NCBP2: variants seen among roughly 807,000 people sequenced by gnomAD.
NCBP2 encodes the protein nuclear cap-binding protein subunit 2.
NCBP2 carries 8 observed loss-of-function variants against 21.5 expected under a neutral mutation model. The ratio of observed to expected loss-of-function variants is 0.37; its 90% CI spans 0.22 to 0.67. NCBP2 has a LOEUF of 0.67. NCBP2 is among the 30% of genes least tolerant of loss of function. NCBP2 has a pLI of 0.56. For missense variants in NCBP2, 127 were observed against 206.9 expected (o/e 0.61, Z 2.37); for synonymous variants, 92 against 75.8 (o/e 1.21, Z -1.11).
At chr3:196,938,386 C>T (rs1716364507) in intron 2 of NCBP2, 1 of 152,046 alleles carries the variant, frequency 6.6e-6, no homozygotes, top group Non-Finnish European at 1.5e-5. Context: ...TCAACCGAAA[C>T]AAACATAATT....
chr3:196,940,063 G>C (rs1716458336), intron 1 of NCBP2: 1 of 152,292 alleles, frequency 6.6e-6, no homozygotes, highest in Non-Finnish European at 1.5e-5. Flanking sequence ...CAAAGCCCTG[G>C]GTCCAAAATG....
rs759405625 is a variant in NCBP2, at chr3:196,942,498, C to T, written c.6G>A (p.Ser2=). The T allele has an allele frequency of 2.5e-6, 4 of 1,613,212 alleles. No individual in the cohort carries two copies. Among genetic ancestry groups the T allele is most frequent in the Admixed American group, 1.7e-5 (1 of 59,970 alleles). M[S]GGLLKALRSD... Reference sequence around the variant, plus strand: ...TGCGCAGCGCCTTCAGGAGGCCACCCGACATAGTGCAGAGAAGCGGACCAC... The same window carrying T: ...TGCGCAGCGCCTTCAGGAGGCCACCTGACATAGTGCAGAGAAGCGGACCAC... The change falls in exon 1 of 4, where the codon TCG becomes TCA. Residue 2 remains serine, a synonymous_variant. Coordinates refer to ENST00000321256, the MANE Select transcript of NCBP2 (RefSeq NM_007362.5).
intron 2 of NCBP2, 179 bp from the exon 3 acceptor site, chr3:196,937,827 A>G (rs1329568386): frequency 1.6e-6 from 1 of 643,510 alleles, no homozygotes; most frequent in Admixed American, 2.7e-5. Flanking sequence ...ATAGAGTCAA[A>G]TATGACACGT....
chr3:196,937,792 C>G (rs1716337819), intron 2 of NCBP2, 144 bp from the exon 3 acceptor site: 2 of 961,124 alleles, frequency 2.1e-6, no homozygotes, highest in Non-Finnish European at 3.1e-6. Flanking sequence ...TTGCCCAGGC[C>G]TGTTTGCGAT....
intron 1 of NCBP2, among the ~76,000 whole-genome samples, chr3:196,940,436 A>AC (rs1402698066): frequency 2.0e-5 from 3 of 151,910 alleles, no homozygotes; most frequent in African/African-American, 7.2e-5. Flanking sequence ...GGAACTTTGG[A>AC]GTGAGACATT....
At chr3:196,937,684 A>G (rs1449764903) in intron 2 of NCBP2, 36 bp from the exon 3 acceptor site, 2 of 1,608,946 alleles carry the variant, frequency 1.2e-6, no homozygotes, top group Non-Finnish European at 1.7e-6. Flanking sequence ...TTTTCCAAAC[A>G]TTTCTGGAAA....
chr3:196,941,637 C>G (rs1716574709), intron 1 of NCBP2: 1 of 513,224 alleles, frequency 1.9e-6, no homozygotes, highest in Admixed American at 3.7e-5. Context: ...CGACAGCACT[C>G]GATAAACGTT....
rs749951417 is a variant in NCBP2, at chr3:196,937,062, C to T, written c.420G>A (p.Gln140=). 3 of 1,614,044 alleles carry T rather than the reference C, an allele frequency of 1.9e-6. No homozygotes were observed. Among genetic ancestry groups the T allele is most frequent in the African/African-American group, 2.7e-5 (2 of 74,906 alleles). The change falls in exon 4 of 4, where the codon CAG becomes CAA. Residue 140 remains glutamine, a synonymous_variant. Coordinates refer to ENST00000321256, the MANE Select transcript of NCBP2 (RefSeq NM_007362.5). ...SGGQVRDEYR[Q]DYDAGRGGYG... is the part of the protein sequence containing the mutation. The stretch of plus-strand genomic sequence containing the variant: ...AGCCTCCTCTCCCAGCATCGTAGTC[C>T]TGCCGATACTCATCCCGAACCTTTA...
intron 1 of NCBP2, chr3:196,941,862 T>G: frequency 6.6e-7 from 1 of 1,512,870 alleles, no homozygotes; most frequent in Non-Finnish European, 8.9e-7. Context: ...GTGCCGAGCT[T>G]GGCGGGTCCA....
intron 1 of NCBP2, chr3:196,941,625 G>A: frequency 4.1e-6 from 2 of 485,642 alleles, no homozygotes; most frequent in South Asian, 2.7e-5. Context: ...ACAAGGATTT[G>A]GCGACAGCAC....
chr3:196,939,183 C>A, intron 2 of NCBP2, 68 bp downstream of exon 2: 4 of 1,425,364 alleles, frequency 2.8e-6, no homozygotes, highest in Non-Finnish European at 4.0e-6. Context: ...AGTGCAGGGA[C>A]GCTTATGAGC....
At chr3:196,940,372 C>CA (rs11450608) in intron 1 of NCBP2, among the ~76,000 whole-genome samples, 52,536 of 145,718 alleles carry the variant, frequency 0.36, 10,270 homozygotes, top group East Asian at 0.78. Context: ...AACTCTATCT[C>CA]AAAAAAAAAA....
chr3:196,940,217 A>C (rs1157608859), intron 1 of NCBP2: 1 of 152,164 alleles, frequency 6.6e-6, no homozygotes, highest in East Asian at 1.9e-4. Flanking sequence ...AAAAATACAA[A>C]AATTAGCTGG....
intron 1 of NCBP2, chr3:196,941,759 TCCACAAAA>T: frequency 4.2e-6 from 3 of 706,508 alleles, no homozygotes; most frequent in Admixed American, 3.0e-5. Flanking sequence ...CTCCCCTTTT[TCCACAAAA>T]TATACTGTGA....
At position 196,936,895 on chromosome 3, in the gene NCBP2, G is replaced by A. The variant is rs1716289271; in HGVS notation, c.*116C>T. ...ATAACTTTCAGAGGCTTCCAGCTCA[G>A]TAAAGACACTGATCAAATCTTGGTA... On this transcript the variant is annotated 3_prime_UTR_variant, in exon 4 of 4. Transcript: ENST00000321256. The A allele has an allele frequency of 7.4e-6, 7 of 939,670 alleles. No homozygotes were observed. Among genetic ancestry groups the A allele is most frequent in the Non-Finnish European group, 1.2e-5 (7 of 573,756 alleles). 58.2% of individuals were successfully genotyped at this position (939,670 alleles called of 1,614,324 possible). A position where few individuals can be genotyped will look rare whatever the true frequency, so the allele number is the denominator to read the frequency against.
intron 2 of NCBP2, chr3:196,937,940 C>G: frequency 2.8e-6 from 1 of 357,888 alleles, no homozygotes; most frequent in Non-Finnish European, 5.3e-6. Context: ...CTGTACACTT[C>G]TTATCCAAGA....
At chr3:196,937,933 TAC>T (rs1560169111) in intron 2 of NCBP2, 13 of 385,386 alleles carry the variant, frequency 3.4e-5, no homozygotes, top group South Asian at 2.8e-4. Context: ...TAGATCACTG[TAC>T]ACTTCTTATC....
chr3:196,937,262 G>A, intron 3 of NCBP2, 180 bp from the exon 4 acceptor site: 1 of 767,830 alleles, frequency 1.3e-6, no homozygotes, highest in Middle Eastern at 2.6e-4. Flanking sequence ...AGATGTTCCT[G>A]CAGGTGGAAG....
Position 196,937,005 on chromosome 3 carries a change from C to T in NCBP2, c.*6G>A, listed in dbSNP as rs1434772917. On this transcript the variant is annotated 3_prime_UTR_variant, in exon 4 of 4. Transcript: ENST00000321256. ...GAGTGTTTGTCACTGACAGAGCTCT[C>T]ACCACTCACTGGTTCTGTGCCAGTT... The T allele has an allele frequency of 1.9e-6, 3 of 1,613,992 alleles. No homozygotes were observed. The highest frequency in any genetic ancestry group is 2.2e-5 in the East Asian group (1 of 44,886).
Sources: gnomAD v4.1 joint callset for allele counts (sites outside exome capture counted in the v4.1 genomes callset) on GRCh38, gnomAD v4.1.1 for gene constraint, MANE v1.5 for transcripts, NCBI Gene and HGNC (gene_info 2026-07-23, HGNC 2026-07-21) for gene names.